The following PLD5 variants were observed in gnomAD, a reference collection of about 807,000 sequenced individuals.
PLD5 encodes phospholipase D family member 5, also known as inactive phospholipase D5.
PLD5 carries 36 observed loss-of-function variants against 61.1 expected under a neutral mutation model. The ratio of observed to expected loss-of-function variants is 0.59; its 90% CI spans 0.45 to 0.78. PLD5 has a LOEUF of 0.78. PLD5 is among the 30% of genes least tolerant of loss of function. The pLI, the probability that PLD5 is intolerant of heterozygous loss-of-function variation, is 0.00. For missense variants in PLD5, 515 were observed against 644.4 expected (o/e 0.80, Z 2.17); for synonymous variants, 243 against 242.8 (o/e 1.00, Z -0.01).
intron 1 of PLD5, among the ~76,000 whole-genome samples, chr1:242,486,429 A>T (rs1267665957): frequency 6.6e-6 from 1 of 152,194 alleles, no homozygotes; most frequent in African/African-American, 2.4e-5. Context: ...TCAAAAGAAG[A>T]CATTTATGCA....
chr1:242,325,857 T>C (rs1658740274), intron 2 of PLD5, among the ~76,000 whole-genome samples: 1 of 152,168 alleles, frequency 6.6e-6, no homozygotes. Flanking sequence ...TCAGAAATTC[T>C]TATTTTATTA....
At chr1:242,517,441 T>C (rs1323930429) in intron 1 of PLD5, among the ~76,000 whole-genome samples, 1 of 152,238 alleles carries the variant, frequency 6.6e-6, no homozygotes, top group Non-Finnish European at 1.5e-5. Flanking sequence ...TTGAGATAAT[T>C]GTATGGTCTT....
intron 1 of PLD5, among the ~76,000 whole-genome samples, chr1:242,357,551 T>C (rs1291778591): frequency 6.6e-6 from 1 of 151,692 alleles, no homozygotes; most frequent in Non-Finnish European, 1.5e-5. Flanking sequence ...AATGGCATTA[T>C]CTTGGCTCAC....
intron 1 of PLD5, among the ~76,000 whole-genome samples, chr1:242,423,681 G>A (rs1665266442): frequency 6.6e-6 from 1 of 152,130 alleles, no homozygotes; most frequent in Non-Finnish European, 1.5e-5. Context: ...CATCTCACCA[G>A]AAGATGCTAT....
chr1:242,312,558 G>T (rs1204598641), intron 2 of PLD5, among the ~76,000 whole-genome samples: 9 of 152,076 alleles, frequency 5.9e-5, no homozygotes, highest in Non-Finnish European at 1.3e-4. Flanking sequence ...TAAAACCCTT[G>T]TGATTTTCAC....
chr1:242,385,104 G>T (rs1336386875), intron 1 of PLD5, among the ~76,000 whole-genome samples: 1 of 152,088 alleles, frequency 6.6e-6, no homozygotes, highest in Non-Finnish European at 1.5e-5. Context: ...ACTTTGAGTA[G>T]CAAAAGGAAT....
intron 1 of PLD5, among the ~76,000 whole-genome samples, chr1:242,389,989 T>C (rs2149263457): frequency 6.8e-6 from 1 of 147,976 alleles, no homozygotes; most frequent in Admixed American, 6.8e-5. Flanking sequence ...TCAAATACTC[T>C]GCTAGGAATA....
At chr1:242,397,438 C>T (rs938780179) in intron 1 of PLD5, among the ~76,000 whole-genome samples, 2 of 151,580 alleles carry the variant, frequency 1.3e-5, no homozygotes, top group Non-Finnish European at 2.9e-5. Flanking sequence ...ATCTCCACTG[C>T]TATTAACTTA....
chr1:242,156,530 C>T (rs1665386420), intron 5 of PLD5, among the ~76,000 whole-genome samples: 1 of 152,084 alleles, frequency 6.6e-6, no homozygotes, highest in Non-Finnish European at 1.5e-5. Flanking sequence ...TGCAGGAGCT[C>T]CTGTAAGGCA....
rs184071576 is a variant in PLD5 at position 242,183,327 on chromosome 1, A to G, written c.735+36661T>C. On this transcript the variant is annotated intron_variant, in intron 5 of 9. Coordinates refer to ENST00000536534, the MANE Select transcript of PLD5 (RefSeq NM_001372062.1). ...ATCCAATGACTGTCAAATATTATCA[A>G]GTGGGCTGTCTCTCAACTGGCCCTG... Among the ~76,000 whole-genome samples the G allele has an allele frequency of 2.6e-5, 4 of 152,326 alleles. No individual in the cohort carries two copies. In the East Asian group the frequency reaches 7.7e-4, roughly 29 times the overall value.
At chr1:242,159,903 G>C (rs1665689399) in intron 5 of PLD5, among the ~76,000 whole-genome samples, 1 of 152,148 alleles carries the variant, frequency 6.6e-6, no homozygotes. Flanking sequence ...AAGATTGGGT[G>C]CTATTTCTCC....
At chr1:242,243,271 T>C (rs1413955787) in intron 4 of PLD5, among the ~76,000 whole-genome samples, 1 of 152,220 alleles carries the variant, frequency 6.6e-6, no homozygotes, top group Non-Finnish European at 1.5e-5. Context: ...CCGGCCAAAC[T>C]GGTTTCTGAA....
chr1:242,220,434 G>A (rs746200862), intron 4 of PLD5, among the ~76,000 whole-genome samples: 14 of 152,088 alleles, frequency 9.2e-5, no homozygotes, highest in Admixed American at 3.9e-4. Context: ...CTGAAATCCC[G>A]GCTGCACCAC....
intron 5 of PLD5, among the ~76,000 whole-genome samples, chr1:242,207,783 T>TA (rs1491187101): frequency 2.4e-5 from 2 of 82,736 alleles, no homozygotes; most frequent in Non-Finnish European, 4.0e-5. Context: ...TTTATATATA[T>TA]TTATATTTAT....
At chr1:242,298,133 C>G (rs1675822307) in intron 2 of PLD5, among the ~76,000 whole-genome samples, 1 of 151,848 alleles carries the variant, frequency 6.6e-6, no homozygotes, top group Admixed American at 6.6e-5. Context: ...AATTGATTGT[C>G]AAAGACAATT....
intron 5 of PLD5, among the ~76,000 whole-genome samples, chr1:242,169,843 G>A (rs894542672): frequency 5.9e-5 from 9 of 152,192 alleles, no homozygotes; most frequent in Middle Eastern, 3.2e-3. Flanking sequence ...GGAGCCCACC[G>A]CAGCTCAGCT....
At chr1:242,521,785 T>C (rs1669288454) in intron 1 of PLD5, among the ~76,000 whole-genome samples, 1 of 150,166 alleles carries the variant, frequency 6.7e-6, no homozygotes, top group Non-Finnish European at 1.5e-5. Context: ...ATGTTCAGAA[T>C]GTTGTTTACA....
intron 5 of PLD5, among the ~76,000 whole-genome samples, chr1:242,182,327 T>A (rs1200707773): frequency 1.3e-5 from 2 of 151,964 alleles, no homozygotes; most frequent in East Asian, 1.9e-4. Context: ...AATTTTTTTT[T>A]AGTTTCTCCA....
At chr1:242,274,491 A>G (rs1195694810) in intron 3 of PLD5, among the ~76,000 whole-genome samples, 1 of 152,230 alleles carries the variant, frequency 6.6e-6, no homozygotes, top group Non-Finnish European at 1.5e-5. Context: ...GTGGTGGCTC[A>G]CGCCTGTAAT....
Sources: allele counts gnomAD v4.1 joint callset (sites outside exome capture counted in the v4.1 genomes callset), GRCh38; gene constraint gnomAD v4.1.1; transcripts MANE v1.5; gene names NCBI Gene and HGNC (gene_info 2026-07-23, HGNC 2026-07-21).